ANKS1B: variants seen among roughly 807,000 people sequenced by gnomAD.
The protein encoded by ANKS1B is ankyrin repeat and sterile alpha motif domain-containing protein 1B.
Under a neutral mutation model 148.3 loss-of-function variants are expected in ANKS1B, and 36 were observed. The ratio of observed to expected loss-of-function variants is 0.24; its 90% confidence interval spans 0.19 to 0.32. The LOEUF is 0.32. ANKS1B is among the 10% of genes least tolerant of loss of function. The pLI is 1.00. For synonymous variants in ANKS1B, 542 were observed against 560.8 expected (o/e 0.97, Z 0.47); for missense variants, 1,157 against 1,542.6 (o/e 0.75, Z 4.19).
At chr12:98,996,318 T>C (rs1243124645) in intron 17 of ANKS1B, among the ~76,000 whole-genome samples, 1 of 152,130 alleles carries the variant, frequency 6.6e-6, no homozygotes, top group Non-Finnish European at 1.5e-5. Context: ...TCTCTGAGCA[T>C]GGGAAGATGA....
At chr12:99,459,980 G>C (rs753756553) in intron 10 of ANKS1B, among the ~76,000 whole-genome samples, 1 of 152,048 alleles carries the variant, frequency 6.6e-6, no homozygotes, top group East Asian at 1.9e-4. Context: ...CAAATCCAGA[G>C]GCATTACATT....
intron 8 of ANKS1B, among the ~76,000 whole-genome samples, chr12:99,759,649 G>T (rs1160102672): frequency 6.6e-6 from 1 of 151,932 alleles, no homozygotes; most frequent in Non-Finnish European, 1.5e-5. Flanking sequence ...ATACTGGCAA[G>T]CTGTCCAAGG....
At chr12:98,919,302 G>T (rs562808255) in intron 17 of ANKS1B, among the ~76,000 whole-genome samples, 3 of 152,262 alleles carry the variant, frequency 2.0e-5, no homozygotes, top group African/African-American at 7.2e-5. Flanking sequence ...AATCTAATCT[G>T]TGTTAATGTT....
At chr12:99,219,493 A>G (rs1350860989) in intron 14 of ANKS1B, among the ~76,000 whole-genome samples, 1 of 152,238 alleles carries the variant, frequency 6.6e-6, no homozygotes. Flanking sequence ...GTAGGGAGTG[A>G]CAGACATGGC....
intron 9 of ANKS1B, among the ~76,000 whole-genome samples, chr12:99,540,742 G>C (rs748913221): frequency 1.3e-4 from 19 of 151,412 alleles, no homozygotes; most frequent in Non-Finnish European, 1.2e-4. Flanking sequence ...TAAGAAACTA[G>C]AAAGAAATAT....
intron 11 of ANKS1B, among the ~76,000 whole-genome samples, chr12:99,424,788 G>A (rs1455122014): frequency 6.6e-6 from 1 of 151,808 alleles, no homozygotes; most frequent in Non-Finnish European, 1.5e-5. Context: ...TTGAATCCTT[G>A]TGGATGAACC....
At chr12:99,082,336 C>T (rs762180364) in intron 16 of ANKS1B, among the ~76,000 whole-genome samples, 3 of 152,100 alleles carry the variant, frequency 2.0e-5, no homozygotes, top group Admixed American at 6.6e-5. Flanking sequence ...CTCATGAAGG[C>T]CCCTGTGAAG....
chr12:99,244,455 A>G (rs770544178), intron 13 of ANKS1B, 41 bp from the exon 14 acceptor site: 13 of 1,308,852 alleles, frequency 9.9e-6, no homozygotes, highest in Non-Finnish European at 1.3e-5. Context: ...TGTTACATTC[A>G]CTTTTAACAT....
chr12:99,796,602 T>C lies in ANKS1B; in HGVS notation c.669+9802A>G, dbSNP rs563966190. The stretch of plus-strand genomic sequence containing the variant: ...ACCTAACAGATACATCCATGTTGTG[T>C]GGGAAAAATTAAAAATAAAATACAA... On this transcript the variant is annotated intron_variant, in intron 4 of 26. Coordinates refer to ENST00000683438, the MANE Select transcript of ANKS1B (RefSeq NM_001352186.2). Among the ~76,000 whole-genome samples, 279 of 152,032 alleles carry C rather than the reference T, an allele frequency of 1.8e-3. 4 individuals are homozygous for C. Among genetic ancestry groups the C allele is most frequent in the Non-Finnish European group, 1.5e-3 (103 of 67,906 alleles).
intron 9 of ANKS1B, among the ~76,000 whole-genome samples, chr12:99,616,179 T>C (rs911770914): frequency 3.3e-5 from 5 of 152,120 alleles, no homozygotes; most frequent in Admixed American, 1.3e-4. Flanking sequence ...TGCTCATGGA[T>C]AGGAAGAATC....
At chr12:99,854,877 T>C (rs1050385406) in intron 1 of ANKS1B, among the ~76,000 whole-genome samples, 2 of 151,944 alleles carry the variant, frequency 1.3e-5, no homozygotes, top group Admixed American at 6.6e-5. Flanking sequence ...AAGCCAGCAC[T>C]AAAAGAAGTG....
chr12:98,751,235 G>A lies in ANKS1B; in HGVS notation c.3747+120C>T. On this transcript the variant is annotated intron_variant, in intron 26 of 26. Coordinates refer to ENST00000683438, the MANE Select transcript of ANKS1B (RefSeq NM_001352186.2). The surrounding 1 kb of genome is among the most constrained non-coding windows in gnomAD (Gnocchi z 4.3). Reference sequence around the variant, plus strand: ...GGACACATGCCAGGAGGAGGCCAAGGGAAAGGATGAAGAAGAGGCCCTGGG... The same window carrying A: ...GGACACATGCCAGGAGGAGGCCAAGAGAAAGGATGAAGAAGAGGCCCTGGG... 9.5e-7 allele frequency: 1 copy of A among 1,055,622 alleles called. No homozygotes were observed. The highest frequency in any genetic ancestry group is 1.7e-5 in the South Asian group (1 of 58,874). The allele number at this position is 1,055,622 out of a possible 1,614,324, so 65.4% of individuals were successfully genotyped here.
chr12:98,813,175 G>T (rs1465571514), intron 19 of ANKS1B, among the ~76,000 whole-genome samples: 1 of 151,838 alleles, frequency 6.6e-6, no homozygotes, highest in Non-Finnish European at 1.5e-5. Context: ...TTCATCTGGG[G>T]CCCAAATTCC....
chr12:99,849,129 C>T (rs980795780), intron 1 of ANKS1B, among the ~76,000 whole-genome samples: 1 of 151,852 alleles, frequency 6.6e-6, no homozygotes, highest in African/African-American at 2.4e-5. Context: ...ATTCATATCC[C>T]AAACCTCAGA....
chr12:99,621,245 G>A (rs947364965), intron 9 of ANKS1B, among the ~76,000 whole-genome samples: 24 of 151,810 alleles, frequency 1.6e-4, no homozygotes, highest in Non-Finnish European at 2.9e-4. Context: ...CATCCTTAAG[G>A]AAGTTCTAAA....
intron 17 of ANKS1B, among the ~76,000 whole-genome samples, chr12:98,990,566 GA>G (rs146384725): frequency 0.066 from 7,746 of 116,856 alleles, 216 homozygotes; most frequent in Middle Eastern, 0.12. Context: ...GAGAGAGAGA[GA>G]AAAAAAAAAA....
intron 9 of ANKS1B, among the ~76,000 whole-genome samples, chr12:99,629,698 G>A (rs1293208017): frequency 6.6e-6 from 1 of 152,122 alleles, no homozygotes; most frequent in East Asian, 1.9e-4. Context: ...ATTAAAATAA[G>A]AGAGTGGATA....
chr12:99,917,470 T>C (rs1318118223), intron 1 of ANKS1B, among the ~76,000 whole-genome samples: 1 of 152,220 alleles, frequency 6.6e-6, no homozygotes, highest in Non-Finnish European at 1.5e-5. Context: ...CAGTGCTGAA[T>C]GTCTGACCAA....
chr12:99,487,470 AG>A (rs1387515894), intron 10 of ANKS1B, among the ~76,000 whole-genome samples: 1 of 152,192 alleles, frequency 6.6e-6, no homozygotes, highest in Non-Finnish European at 1.5e-5. Flanking sequence ...CTTAAAATGA[AG>A]GTGAGCTGAA....
Sources: gnomAD v4.1 joint callset for allele counts (sites outside exome capture counted in the v4.1 genomes callset) on GRCh38, gnomAD v4.1.1 for gene constraint, Gnocchi (gnomAD v3.1) non-coding constraint, MANE v1.5 for transcripts, NCBI Gene and HGNC (gene_info 2026-07-23, HGNC 2026-07-21) for gene names.